Variants in PLXNA4 observed in about 807,000 individuals in gnomAD.
PLXNA4 encodes the protein plexin A4.
Under a neutral mutation model 191.8 loss-of-function variants are expected in PLXNA4, and 44 were observed. The ratio of observed to expected loss-of-function variants is 0.23; its 90% confidence interval spans 0.18 to 0.29. The LOEUF is 0.29. Ranked by LOEUF, PLXNA4 falls within the 10% of genes least tolerant of loss-of-function variation. PLXNA4 has a pLI of 1.00. For synonymous variants in PLXNA4, 1,082 were observed against 1,009.5 expected, an observed-to-expected ratio of 1.07 and a Z score of -1.36; for missense variants, 1,800 against 2,488.8, an observed-to-expected ratio of 0.72 and a Z score of 5.89.
rs972329044 is a variant in PLXNA4, at chr7:132,127,299, T to C, written c.*3180A>G. Reference sequence around the variant, plus strand: ...TCTGTCTGCTCATGACTCAACATAATGGTGACCCTACAAATTAACTTTGCC... The same window carrying C: ...TCTGTCTGCTCATGACTCAACATAACGGTGACCCTACAAATTAACTTTGCC... On this transcript the variant is annotated 3_prime_UTR_variant, in exon 32 of 32. Transcript: ENST00000321063. The C allele has an allele frequency of 8.5e-5, 13 of 152,050 alleles. No homozygotes were observed. The highest frequency in any genetic ancestry group is 3.1e-4 in the African/African-American group (13 of 41,392). 9.4% of individuals were successfully genotyped at this position (152,050 alleles called of 1,614,324 possible). A position where few individuals can be genotyped will look rare whatever the true frequency, so the allele number is the denominator to read the frequency against.
At chr7:132,235,381 G>C (rs1798664625) in intron 5 of PLXNA4, among the ~76,000 whole-genome samples, 1 of 152,214 alleles carries the variant, frequency 6.6e-6, no homozygotes, top group Non-Finnish European at 1.5e-5. Context: ...TTGTAACTAA[G>C]TTGTAACTCA....
intron 7 of PLXNA4, 45 bp downstream of exon 7, chr7:132,227,406 C>A (rs1361139557): frequency 2.5e-6 from 4 of 1,612,084 alleles, no homozygotes; most frequent in African/African-American, 1.3e-5. Context: ...CCTTATCTAG[C>A]CAGGAGGAAG....
upstream of PLXNA4, chr7:132,576,999 C>G (rs1011355940): frequency 3.2e-4 from 47 of 145,710 alleles, no homozygotes; most frequent in Admixed American, 3.2e-3. This position sits in a 1 kb window ranked among gnomAD's most constrained non-coding sequence, Gnocchi z 5.8. Context: ...CGCGGCCGGC[C>G]GCGCCGCGGC....
At chr7:132,588,768 AAGAAAG>A (rs1471731047) in intron 2 of PLXNA4, among the ~76,000 whole-genome samples, 3 of 151,328 alleles carry the variant, frequency 2.0e-5, no homozygotes, top group South Asian at 2.1e-4. Context: ...GAGAAAAAGA[AAGAAAG>A]AGAAAGAGAG....
chr7:132,405,894 C>T (rs1585092202), intron 3 of PLXNA4, among the ~76,000 whole-genome samples: 1 of 152,180 alleles, frequency 6.6e-6, no homozygotes, highest in African/African-American at 2.4e-5. Context: ...ACCTGTAATG[C>T]ACTCAGATAT....
chr7:132,289,558 C>T (rs1381906254), intron 4 of PLXNA4, among the ~76,000 whole-genome samples: 1 of 151,872 alleles, frequency 6.6e-6, no homozygotes, highest in Non-Finnish European at 1.5e-5. Context: ...TTAGAGAAGT[C>T]ATCTCCCTCT....
At chr7:132,613,102 G>T (rs1403940865) in intron 2 of PLXNA4, among the ~76,000 whole-genome samples, 1 of 152,162 alleles carries the variant, frequency 6.6e-6, no homozygotes, top group Non-Finnish European at 1.5e-5. Context: ...AGAGGAAACT[G>T]ACCTACTAGC....
chr7:132,606,684 G>C (rs963676844), intron 2 of PLXNA4, among the ~76,000 whole-genome samples: 1 of 152,176 alleles, frequency 6.6e-6, no homozygotes, highest in Admixed American at 6.5e-5. Flanking sequence ...CTCACACAGA[G>C]AGTTAGCAAT....
At position 132,125,071 on chromosome 7, in the gene PLXNA4, C is replaced by T. The variant is rs757926791; in HGVS notation, c.*5408G>A. On this transcript the variant is annotated 3_prime_UTR_variant, in exon 32 of 32. Transcript: ENST00000321063. ...AAAACTCTCTCTTGCATGTCTGAAA[C>T]TTTTACTGCAGTGGATTACTTTCCA... is the stretch of plus-strand genomic sequence containing the variant. The T allele has an allele frequency of 4.0e-5, 6 of 151,672 alleles. No homozygotes were observed. The highest frequency in any genetic ancestry group is 8.8e-5 in the Non-Finnish European group (6 of 67,970). 9.4% of individuals were successfully genotyped at this position (151,672 alleles called of 1,614,324 possible).
chr7:132,164,091 G>A (rs746550636), intron 24 of PLXNA4, 51 bp downstream of exon 24: 5 of 1,609,644 alleles, frequency 3.1e-6, no homozygotes, highest in Admixed American at 1.7e-5. Flanking sequence ...GGCTACCCAG[G>A]ATGGAAGCCC....
chr7:132,283,864 C>T (rs1800581011), intron 4 of PLXNA4, among the ~76,000 whole-genome samples: 1 of 152,174 alleles, frequency 6.6e-6, no homozygotes, highest in African/African-American at 2.4e-5. Flanking sequence ...CTATCAAATG[C>T]TATAGTCAAG....
intron 2 of PLXNA4, among the ~76,000 whole-genome samples, chr7:132,500,921 A>C (rs1798223448): frequency 6.6e-6 from 1 of 152,182 alleles, no homozygotes; most frequent in Non-Finnish European, 1.5e-5. Context: ...AGACCCAAAG[A>C]TCCTGACTCC....
chr7:132,223,490 C>A lies in PLXNA4; in HGVS notation c.2097+37G>T, dbSNP rs544690818. 32 of 1,532,968 alleles carry A rather than the reference C, an allele frequency of 2.1e-5. No individual in the cohort carries two copies. In the African/African-American group the frequency reaches 3.7e-4, roughly 18 times the overall value. The allele number at this position is 1,532,968 out of a possible 1,614,324, so 95.0% of individuals were successfully genotyped here. A position where few individuals can be genotyped will look rare whatever the true frequency, so the allele number is the denominator to read the frequency against. On this transcript the variant is annotated intron_variant, in intron 9 of 31. Coordinates refer to ENST00000321063, the MANE Select transcript of PLXNA4 (RefSeq NM_020911.2). ...TCTCTTCTGTGTCCCATGCTCACAA[C>A]AAGAGACACTCACCACTCTGGCTGC...
At chr7:132,358,327 G>A (rs1214590936) in intron 3 of PLXNA4, among the ~76,000 whole-genome samples, 1 of 152,178 alleles carries the variant, frequency 6.6e-6, no homozygotes, top group African/African-American at 2.4e-5. Flanking sequence ...TGTCTACAAG[G>A]GATGCCCTTT....
intron 3 of PLXNA4, among the ~76,000 whole-genome samples, chr7:132,425,508 C>G (rs1398956661): frequency 6.6e-6 from 1 of 152,072 alleles, no homozygotes; most frequent in Non-Finnish European, 1.5e-5. Flanking sequence ...CCTGGCTCCT[C>G]CTCCCCTTCC....
At chr7:132,626,657 T>C (rs1207180708) in intron 2 of PLXNA4, among the ~76,000 whole-genome samples, 1 of 152,200 alleles carries the variant, frequency 6.6e-6, no homozygotes, top group African/African-American at 2.4e-5. Context: ...GAGCCCTCCC[T>C]AGAAGACTGC....
intron 31 of PLXNA4, among the ~76,000 whole-genome samples, chr7:132,131,863 C>G (rs1794937407): frequency 6.6e-6 from 1 of 152,240 alleles, no homozygotes; most frequent in African/African-American, 2.4e-5. Context: ...ACTGGCTCTC[C>G]CATGATGTAA....
At chr7:132,529,607 C>CTTTTTTTTT (rs35449894) in intron 1 of PLXNA4, among the ~76,000 whole-genome samples, 12 of 136,152 alleles carry the variant, frequency 8.8e-5, no homozygotes, top group African/African-American at 3.3e-4. Context: ...AATAGGTATT[C>CTTTTTTTTT]TTTTTTTTTT....
intron 3 of PLXNA4, among the ~76,000 whole-genome samples, chr7:132,393,876 C>T (rs140086556): frequency 9.6e-4 from 146 of 152,234 alleles, no homozygotes; most frequent in African/African-American, 3.3e-3. Flanking sequence ...GACTCAGAAG[C>T]GGGGCTGTGT....
Sources: gnomAD v4.1 joint callset for allele counts (sites outside exome capture counted in the v4.1 genomes callset) on GRCh38, gnomAD v4.1.1 for gene constraint, Gnocchi (gnomAD v3.1) non-coding constraint, MANE v1.5 for transcripts, NCBI Gene and HGNC (gene_info 2026-07-23, HGNC 2026-07-21) for gene names.